The following EYS variants were observed in gnomAD, a reference collection of about 807,000 sequenced individuals.
EYS encodes the protein protein eyes shut homolog.
A neutral mutation model predicts 282.1 loss-of-function variants in EYS; 250 were observed. The ratio of observed to expected loss-of-function variants is 0.89; its 90% CI spans 0.80 to 0.98. The LOEUF is 0.98. EYS is among the 50% of genes least tolerant of loss of function. The pLI is 0.00. For synonymous variants in EYS, 1,355 were observed against 1,282.9 expected (o/e 1.06, Z -1.20); for missense variants, 4,016 against 3,709.0 (o/e 1.08, Z -2.15).
chr6:65,450,240 A>AT (rs979985086), intron 5 of EYS, among the ~76,000 whole-genome samples: 4 of 152,112 alleles, frequency 2.6e-5, no homozygotes, highest in African/African-American at 9.6e-5. Context: ...ATTTTATAGC[A>AT]TTTTTTTCTA....
intron 22 of EYS, among the ~76,000 whole-genome samples, chr6:64,786,906 T>C (rs538316270): frequency 6.6e-6 from 1 of 152,344 alleles, no homozygotes; most frequent in East Asian, 1.9e-4. Flanking sequence ...GATGAGGCCC[T>C]TTTCATATGC....
chr6:64,335,249 A>ACCCCCCCCCCC (rs1770800689), intron 29 of EYS, among the ~76,000 whole-genome samples: 1 of 121,358 alleles, frequency 8.2e-6, no homozygotes, highest in Non-Finnish European at 1.7e-5. Flanking sequence ...GACTCCCCCC[A>ACCCCCCCCCCC]CCCCCCCTCC....
chr6:64,952,478 T>C (rs986879846), intron 14 of EYS, among the ~76,000 whole-genome samples: 2 of 152,030 alleles, frequency 1.3e-5, no homozygotes, highest in Non-Finnish European at 2.9e-5. Flanking sequence ...CAACCATAAA[T>C]TTTAACTAAA....
chr6:64,435,618 ATCTATATT>A, intron 28 of EYS, among the ~76,000 whole-genome samples: 1 of 151,924 alleles, frequency 6.6e-6, no homozygotes, highest in African/African-American at 2.4e-5. Context: ...AAAGCATTAC[ATCTATATT>A]AAAAATTAAA....
intron 2 of EYS, among the ~76,000 whole-genome samples, chr6:65,504,060 T>C (rs1337741236): frequency 4.6e-5 from 7 of 151,700 alleles, no homozygotes; most frequent in East Asian, 1.9e-4. Context: ...GCCTTAATTA[T>C]ATTGAGGCTC....
chr6:65,370,292 T>A (rs1765092841), intron 8 of EYS, among the ~76,000 whole-genome samples: 1 of 146,084 alleles, frequency 6.8e-6, no homozygotes, highest in Non-Finnish European at 1.5e-5. Flanking sequence ...TCTTACTCTA[T>A]TACCCCAGGA....
chr6:64,648,661 C>G (rs531114058), intron 22 of EYS, among the ~76,000 whole-genome samples: 1 of 151,782 alleles, frequency 6.6e-6, no homozygotes, highest in African/African-American at 2.4e-5. Flanking sequence ...ACAAGGTAAA[C>G]GATTTATAAT....
chr6:64,309,751 G>A (rs981568809), intron 29 of EYS, among the ~76,000 whole-genome samples: 1 of 152,014 alleles, frequency 6.6e-6, no homozygotes. Context: ...TGGATCATGA[G>A]GTCAAGAGAT....
chr6:65,416,600 G>A (rs997306481), intron 5 of EYS, among the ~76,000 whole-genome samples: 15 of 151,874 alleles, frequency 9.9e-5, no homozygotes, highest in African/African-American at 3.4e-4. Context: ...AAATCACAAT[G>A]AATAAAAGAT....
intron 35 of EYS, among the ~76,000 whole-genome samples, chr6:63,912,529 A>T (rs1431170170): frequency 6.6e-6 from 1 of 152,216 alleles, no homozygotes; most frequent in Non-Finnish European, 1.5e-5. Context: ...CTTAGAGCAC[A>T]ACTCAATTCA....
chr6:64,416,104 C>T (rs184004980), intron 28 of EYS, among the ~76,000 whole-genome samples: 3 of 152,100 alleles, frequency 2.0e-5, no homozygotes, highest in Non-Finnish European at 4.4e-5. Flanking sequence ...TTTTTGGCTA[C>T]CTTCGCACAT....
intron 31 of EYS, among the ~76,000 whole-genome samples, chr6:64,153,451 C>T (rs1444703268): frequency 6.6e-6 from 1 of 152,146 alleles, no homozygotes; most frequent in Non-Finnish European, 1.5e-5. Context: ...AAGAGTCACT[C>T]TGTTTTCATT....
intron 8 of EYS, among the ~76,000 whole-genome samples, chr6:65,377,851 C>T (rs999045362): frequency 6.6e-5 from 10 of 152,102 alleles, no homozygotes; most frequent in Admixed American, 2.0e-4. Flanking sequence ...CGTAACTAAA[C>T]CACGAAGAAG....
In EYS at chr6:65,641,110, C is replaced by T. The variant is rs1019219508; in HGVS notation, c.-447-1218G>A. 1.6e-4 allele frequency among the ~76,000 whole-genome samples: 25 copies of T among 152,128 alleles called. 1 individual carries two copies. Among genetic ancestry groups the T allele is most frequent in the African/African-American group, 5.8e-4 (24 of 41,408 alleles). On this transcript the variant is annotated intron_variant, in intron 1 of 42. Transcript: ENST00000503581. ...AAATATGTTTTCCATATGTGCTTCC[C>T]TATATGCTTCCAGGTTATAGTGGGC...
At chr6:64,624,790 G>A (rs1255050084) in intron 23 of EYS, among the ~76,000 whole-genome samples, 3 of 152,026 alleles carry the variant, frequency 2.0e-5, no homozygotes, top group Non-Finnish European at 4.4e-5. Context: ...TTCCGTGGTG[G>A]GCCCAATAAC....
At chr6:65,470,396 T>C (rs1053884624) in intron 5 of EYS, among the ~76,000 whole-genome samples, 1 of 152,246 alleles carries the variant, frequency 6.6e-6, no homozygotes, top group South Asian at 2.1e-4. Flanking sequence ...ACTCAATAAA[T>C]AGAACTTATT....
chr6:65,040,300 A>G (rs971575230), intron 13 of EYS, among the ~76,000 whole-genome samples: 2 of 151,688 alleles, frequency 1.3e-5, no homozygotes, highest in African/African-American at 4.8e-5. Context: ...AATCTCTTCC[A>G]TGTTCCTCCC....
intron 22 of EYS, among the ~76,000 whole-genome samples, chr6:64,635,418 C>T (rs1317082770): frequency 6.6e-6 from 1 of 152,118 alleles, no homozygotes; most frequent in Non-Finnish European, 1.5e-5. Flanking sequence ...AAAGGGAATG[C>T]TTCCAGTTTT....
chr6:65,352,686 C>G (rs2055503), intron 9 of EYS, among the ~76,000 whole-genome samples: 101,777 of 151,158 alleles, frequency 0.67, 34,334 homozygotes, highest in South Asian at 0.72. Flanking sequence ...CCTTATTACT[C>G]CAACCAACTC....
Sources: gnomAD v4.1 joint callset for allele counts (sites outside exome capture counted in the v4.1 genomes callset) on GRCh38, gnomAD v4.1.1 for gene constraint, MANE v1.5 for transcripts, NCBI Gene and HGNC (gene_info 2026-07-23, HGNC 2026-07-21) for gene names.